The following NRK variants were observed in gnomAD, a reference collection of about 807,000 sequenced individuals.
The protein encoded by NRK is nik-related protein kinase.
A neutral mutation model predicts 125.2 loss-of-function variants in NRK; 67 were observed. The ratio of observed to expected loss-of-function variants is 0.54; its 90% CI spans 0.44 to 0.66. The LOEUF (loss-of-function observed/expected upper bound fraction) is 0.66. Ranked by LOEUF, NRK falls within the 30% of genes least tolerant of loss-of-function variation. NRK has a pLI of 0.00. For synonymous variants in NRK, 458 were observed against 429.0 expected (o/e 1.07, Z -0.84); for missense variants, 1,224 against 1,192.9 (o/e 1.03, Z -0.38).
At chrX:105,927,410 A>G (rs1235601080) in intron 19 of NRK, among the ~76,000 whole-genome samples, 1 of 111,600 alleles carries the variant, frequency 9.0e-6, no homozygotes, top group Non-Finnish European at 1.9e-5. Context: ...TTATAAGATC[A>G]TGTCATCTGC....
At chrX:105,899,028 A>G (rs895056718) in intron 8 of NRK, among the ~76,000 whole-genome samples, 26 of 111,620 alleles carry the variant, frequency 2.3e-4, no homozygotes, top group Non-Finnish European at 3.8e-5. Flanking sequence ...TAAAAATTTA[A>G]CTTCCAGGAG....
chrX:105,839,280 C>G lies in NRK; in HGVS notation c.123+8161C>G, dbSNP rs1006175223. On this transcript the variant is annotated intron_variant, in intron 2 of 28. Transcript: ENST00000243300. Reference sequence around the variant, plus strand: ...TAGAAAAGTTTCCCTCACATCCTTGCCATTTTGCAAATATAGCTTAATTAA... The same window carrying G: ...TAGAAAAGTTTCCCTCACATCCTTGGCATTTTGCAAATATAGCTTAATTAA... Among the ~76,000 whole-genome samples, 7 of 107,811 alleles carry G rather than the reference C, an allele frequency of 6.5e-5. No homozygotes were observed. The Admixed American group carries it at 7.1e-4, about 11-fold the overall frequency. The allele number at this position is 107,811 out of a possible 115,157, so 93.6% of individuals were successfully genotyped here. A position where few individuals can be genotyped will look rare whatever the true frequency, so the allele number is the denominator to read the frequency against.
rs747362643 is a variant in NRK at position 105,949,584 on chromosome X, A to C, written c.4363A>C (p.Ile1455Leu). Reference sequence around the variant, plus strand: ...TGAAACATAATTCCAGCCCCTGGAAATCATTATACCACAGAATATCATCAT... The same window carrying C: ...TGAAACATAATTCCAGCCCCTGGAACTCATTATACCACAGAATATCATCAT... ...DVTLPKNPLE[I>L]IIPQNIIILP... The change falls in exon 27 of 29, where the codon ATC (isoleucine) becomes CTC (leucine). Residue 1455 changes from isoleucine to leucine, a missense_variant. By Grantham distance (5) the Ile-to-Leu change is conservative (BLOSUM62 2). Transcript: ENST00000243300. 2.5e-6 allele frequency: 3 copies of C among 1,193,136 alleles called. No individual in the cohort carries two copies. In the East Asian group the frequency reaches 8.9e-5, roughly 36 times the overall value.
At chrX:105,931,263 A>G (rs1305882620) in intron 19 of NRK, among the ~76,000 whole-genome samples, 2 of 112,093 alleles carry the variant, frequency 1.8e-5, no homozygotes, top group Non-Finnish European at 3.8e-5. Context: ...GAGCTGCAAG[A>G]CTGGAGAGGC....
At chrX:105,918,808 T>C (rs1485939138) in intron 16 of NRK, among the ~76,000 whole-genome samples, 2 of 110,109 alleles carry the variant, frequency 1.8e-5, no homozygotes, top group Non-Finnish European at 3.8e-5. Context: ...CTAAATGTCT[T>C]TTCAGCTCCA....
At chrX:105,844,005 G>C (rs1278029823) in intron 2 of NRK, among the ~76,000 whole-genome samples, 4 of 88,936 alleles carry the variant, frequency 4.5e-5, no homozygotes, top group Non-Finnish European at 8.4e-5. Flanking sequence ...GTGTGTGTGT[G>C]TGTGTGTGTG....
chrX:105,912,200 A>T (rs1317560300), intron 13 of NRK, among the ~76,000 whole-genome samples: 2 of 111,376 alleles, frequency 1.8e-5, no homozygotes, highest in Admixed American at 1.9e-4. Context: ...ATTAGGGAGA[A>T]ATATTTGCAC....
intron 2 of NRK, among the ~76,000 whole-genome samples, chrX:105,878,209 G>T (rs2147703839): frequency 9.0e-6 from 1 of 110,900 alleles, no homozygotes; most frequent in East Asian, 2.8e-4. Flanking sequence ...TATAAGGACT[G>T]AATAAATAAA....
At chrX:105,825,446 G>T (rs973280138) in intron 1 of NRK, among the ~76,000 whole-genome samples, 38 of 111,977 alleles carry the variant, frequency 3.4e-4, no homozygotes, top group Non-Finnish European at 6.6e-4. Context: ...TTCAGAATGT[G>T]GAAGAATAAA....
intron 7 of NRK, among the ~76,000 whole-genome samples, chrX:105,895,875 G>C (rs1164509377): frequency 9.0e-6 from 1 of 111,720 alleles, no homozygotes. Context: ...GATGCCAAGG[G>C]AAGGGATTTA....
At chrX:105,845,214 T>TA (rs1383680137) in intron 2 of NRK, among the ~76,000 whole-genome samples, 1 of 112,140 alleles carries the variant, frequency 8.9e-6, no homozygotes, top group Non-Finnish European at 1.9e-5. Flanking sequence ...TTTTTCGTTC[T>TA]AAAAAAAGCT....
In NRK at chrX:105,900,645, G is replaced by A. The variant is rs754160086; in HGVS notation, c.739G>A (p.Ala247Thr). 1 of 1,185,658 alleles carries A rather than the reference G, an allele frequency of 8.4e-7. No individual in the cohort carries two copies. The highest frequency in any genetic ancestry group is 1.1e-6 in the Non-Finnish European group (1 of 873,773). The change falls in exon 9 of 29, where the codon GCC becomes ACC. Residue 247 changes from alanine (A) to threonine (T), a missense_variant. Coordinates refer to ENST00000243300, the MANE Select transcript of NRK (RefSeq NM_198465.4). ...RSDVWSVGITAIEMAEGAPPL... is the reference protein window; with the variant it reads ...RSDVWSVGITTIEMAEGAPPL... ...TGATGTGTGGTCTGTGGGAATTACT[G>A]CCATTGAAATGGCTGAAGGAGCCCC...
intron 2 of NRK, among the ~76,000 whole-genome samples, chrX:105,861,697 T>G (rs973876034): frequency 8.9e-6 from 1 of 112,410 alleles, no homozygotes; most frequent in Non-Finnish European, 1.9e-5. Context: ...AGGGTTTATT[T>G]AATATATTTT....
intron 15 of NRK, among the ~76,000 whole-genome samples, chrX:105,916,112 G>A (rs2040362241): frequency 1.8e-5 from 2 of 111,064 alleles, no homozygotes; most frequent in African/African-American, 6.5e-5. Flanking sequence ...AAAAAGACAT[G>A]AAATTTCAAG....
At chrX:105,897,858 T>C (rs1350356214) in intron 7 of NRK, among the ~76,000 whole-genome samples, 1 of 111,964 alleles carries the variant, frequency 8.9e-6, no homozygotes, top group Non-Finnish European at 1.9e-5. Context: ...GTCAGTTTTG[T>C]TCGCCATCCT....
intron 4 of NRK, among the ~76,000 whole-genome samples, chrX:105,883,302 G>T (rs1170556564): frequency 1.8e-5 from 2 of 112,341 alleles, no homozygotes; most frequent in East Asian, 5.6e-4. Flanking sequence ...GGTTTTTCTA[G>T]TTGGGGACTT....
Position 105,880,191 on chromosome X carries a change from T to C in NRK, c.124-8T>C. 9.9e-7 allele frequency: 1 copy of C among 1,013,459 alleles called. No homozygotes were observed. The highest frequency in any genetic ancestry group is 3.4e-5 in the East Asian group (1 of 29,330). The allele number at this position is 1,013,459 out of a possible 1,213,427, so 83.5% of individuals were successfully genotyped here. On this transcript the variant is annotated splice_polypyrimidine_tract_variant and splice_region_variant and intron_variant, in intron 2 of 28. Transcript: ENST00000243300. ...GCATTTGATATTTATCACTATCCTG[T>C]ATTTCAGGGACTTCATGAGAAGACT...
At chrX:105,951,377 CA>C (rs749243536) in intron 27 of NRK, among the ~76,000 whole-genome samples, 12 of 109,585 alleles carry the variant, frequency 1.1e-4, no homozygotes, top group Non-Finnish European at 2.1e-4. Context: ...TGACCTAAAA[CA>C]AAAAAAAGCT....
At chrX:105,826,775 C>T (rs2039118907) in intron 1 of NRK, among the ~76,000 whole-genome samples, 1 of 111,019 alleles carries the variant, frequency 9.0e-6, no homozygotes, top group African/African-American at 3.3e-5. Flanking sequence ...CCTTAGCCCC[C>T]TGTTCAGAAG....
Sources: gnomAD v4.1 joint callset for allele counts (sites outside exome capture counted in the v4.1 genomes callset) on GRCh38, gnomAD v4.1.1 for gene constraint, MANE v1.5 for transcripts, NCBI Gene and HGNC (gene_info 2026-07-23, HGNC 2026-07-21) for gene names.